ACTL8: variants seen among roughly 807,000 people sequenced by gnomAD.
The protein encoded by ACTL8 is actin-like protein 8.
In ACTL8, 3 loss-of-function variants were observed where a neutral mutation model predicts 9.3. The observed-to-expected ratio is 0.32, with a 90% CI of 0.15 to 0.83. The LOEUF is 0.83. Ranked by LOEUF, ACTL8 falls within the 40% of genes least tolerant of loss-of-function variation. The pLI is 0.57. For missense variants in ACTL8, 381 were observed against 492.2 expected (o/e 0.77, Z 2.14); for synonymous variants, 224 against 205.9 (o/e 1.09, Z -0.75).
chr1:17,817,516 C>G (rs1020797392), intron 1 of ACTL8, among the ~76,000 whole-genome samples: 62 of 152,136 alleles, frequency 4.1e-4, no homozygotes, highest in African/African-American at 1.5e-3. Flanking sequence ...TTTCTCTGCT[C>G]GGTCCCGGGA....
intron 1 of ACTL8, among the ~76,000 whole-genome samples, chr1:17,778,057 T>C (rs1333703808): frequency 6.6e-6 from 1 of 152,220 alleles, no homozygotes; most frequent in Non-Finnish European, 1.5e-5. Flanking sequence ...GTGACATTGC[T>C]GGATGGTGGC....
intron 1 of ACTL8, among the ~76,000 whole-genome samples, chr1:17,807,060 C>T (rs557493441): frequency 2.0e-5 from 3 of 152,202 alleles, no homozygotes; most frequent in South Asian, 2.1e-4. Context: ...GATCTGGCAG[C>T]GTTGCTGCAT....
chr1:17,785,575 A>G (rs1166133771), intron 1 of ACTL8, among the ~76,000 whole-genome samples: 2 of 152,206 alleles, frequency 1.3e-5, no homozygotes, highest in South Asian at 2.1e-4. Context: ...TCAGGGTCTT[A>G]GATTTCAACC....
chr1:17,784,206 A>G (rs260519), intron 1 of ACTL8, among the ~76,000 whole-genome samples: 63,748 of 151,972 alleles, frequency 0.42, 14,102 homozygotes, highest in East Asian at 0.78. Flanking sequence ...TCTTCTTAAC[A>G]TGGTGGAGTG....
chr1:17,808,195 A>C (rs2066371340), intron 1 of ACTL8, among the ~76,000 whole-genome samples: 1 of 152,182 alleles, frequency 6.6e-6, no homozygotes, highest in Non-Finnish European at 1.5e-5. Flanking sequence ...TTGATGAGCA[A>C]ACTCTGGAGA....
intron 1 of ACTL8, among the ~76,000 whole-genome samples, chr1:17,811,870 CTT>C (rs200104295): frequency 3.7e-4 from 51 of 139,426 alleles, no homozygotes; most frequent in Non-Finnish European, 3.1e-4. Flanking sequence ...GGTTTTCTGT[CTT>C]TTTTTTTTTT....
intron 1 of ACTL8, among the ~76,000 whole-genome samples, chr1:17,766,304 G>T (rs538961728): frequency 1.4e-4 from 21 of 152,174 alleles, no homozygotes; most frequent in Admixed American, 1.4e-3. Flanking sequence ...TAGCAGCCTC[G>T]TGAGGCTGGG....
rs765972298 is a variant in ACTL8 at position 17,776,969 on chromosome 1, ATTTTTTTTTTTTTTTTTTTTTTT to A, written c.-25+21479_-25+21501del. ...CATCCACCACCGTTCCTGGCTAATG[ATTTTTTTTTTTTTTTTTTTTTTT>A]TTTTTTTTTTTTTAGAGATGGGGGT... On this transcript the variant is annotated intron_variant, in intron 1 of 2. Coordinates refer to ENST00000375406, the MANE Select transcript of ACTL8 (RefSeq NM_030812.3). Among the ~76,000 whole-genome samples, 39 of 50,552 alleles carry A rather than the reference ATTTTTTTTTTTTTTTTTTTTTTT, an allele frequency of 7.7e-4. 2 individuals are homozygous for A. The South Asian group carries it at 0.037, about 48-fold the overall frequency. 33.2% of individuals were successfully genotyped at this position (50,552 alleles called of 152,430 possible).
chr1:17,795,650 C>T (rs1211969141), intron 1 of ACTL8, among the ~76,000 whole-genome samples: 4 of 152,166 alleles, frequency 2.6e-5, no homozygotes. Context: ...TGGCTCCAAT[C>T]AGGGAGGCAG....
intron 1 of ACTL8, among the ~76,000 whole-genome samples, chr1:17,760,309 T>C (rs148226591): frequency 1.7e-4 from 26 of 152,226 alleles, no homozygotes; most frequent in Middle Eastern, 3.4e-3. Context: ...GGAGGGGAGA[T>C]GCCAGTCTTC....
At chr1:17,820,396 A>C (rs2053646196) in intron 1 of ACTL8, among the ~76,000 whole-genome samples, 1 of 152,106 alleles carries the variant, frequency 6.6e-6, no homozygotes, top group African/African-American at 2.4e-5. Flanking sequence ...TTGTGTATTC[A>C]TTCCCTAGCT....
At chr1:17,777,757 G>GA (rs2066127502) in intron 1 of ACTL8, among the ~76,000 whole-genome samples, 1 of 152,214 alleles carries the variant, frequency 6.6e-6, no homozygotes, top group Admixed American at 6.5e-5. Flanking sequence ...GGAGTGCAGT[G>GA]GTGCAATCTC....
intron 1 of ACTL8, among the ~76,000 whole-genome samples, chr1:17,765,323 C>T (rs1038717750): frequency 6.6e-6 from 1 of 152,182 alleles, no homozygotes; most frequent in Non-Finnish European, 1.5e-5. Context: ...CTGTGGTGTC[C>T]TGGTGCCTAG....
rs748352763 is a variant in ACTL8 at position 17,826,489 on chromosome 1, A to C, written c.1071A>C (p.Arg357=). 1 of 1,599,730 alleles carries C rather than the reference A, an allele frequency of 6.3e-7. No homozygotes were observed. The highest frequency in any genetic ancestry group is 2.2e-5 in the East Asian group (1 of 44,666). The change falls in exon 3 of 3, where the codon CGA becomes CGC. Residue 357 remains arginine, a synonymous_variant. Transcript: ENST00000375406. The surrounding 1 kb of genome is among the most constrained non-coding windows in gnomAD (Gnocchi z 4.5). ...LSTYQSEWMS[R]EEYGEHMRM is the part of the protein sequence containing the mutation. ...CCTACCAGTCTGAGTGGATGTCCCG[A>C]GAGGAGTATGGTGAGCATATGAGGA...
chr1:17,826,224 G>A lies in ACTL8; in HGVS notation c.806G>A (p.Gly269Glu). The change falls in exon 3 of 3, where the codon GGG becomes GAG. Residue 269 changes from glycine to glutamate, a missense_variant. Physicochemically the swap from Gly to Glu is moderately conservative, Grantham distance 98. Transcript: ENST00000375406. The surrounding 1 kb of genome is among the most constrained non-coding windows in gnomAD (Gnocchi z 4.5). ...AGCCCGCAGGTGTTCGAGCAGCCGG[G>A]GCCCAGCATCCCACGGGCCATTGTG... ...FFSPQVFEQP[G>E]PSIPRAIVES... The A allele has an allele frequency of 6.2e-7, 1 of 1,613,430 alleles. No homozygotes were observed. Among genetic ancestry groups the A allele is most frequent in the Non-Finnish European group, 8.5e-7 (1 of 1,179,914 alleles).
In ACTL8 at chr1:17,826,469, C is replaced by A; in HGVS notation, c.1051C>A (p.Gln351Lys). ...CGTGGTGGCTCACCTTTCTACCTAC[C>A]AGTCTGAGTGGATGTCCCGAGAGGA... ...ASVVAHLSTY[Q>K]SEWMSREEYG... Residue 351 changes from glutamine to lysine, a missense_variant, in exon 3 of 3, where the codon CAG becomes AAG. By Grantham distance (53) the Gln-to-Lys change is moderately conservative. Around this residue, in one of 3 missense-constraint regions of ACTL8, gnomAD observed 243 missense variants for 276.2 expected, o/e 0.88. Transcript: ENST00000375406. The surrounding 1 kb of genome is among the most constrained non-coding windows in gnomAD (Gnocchi z 4.5). 6.2e-7 allele frequency: 1 copy of A among 1,609,532 alleles called. No homozygotes were observed. The highest frequency in any genetic ancestry group is 8.5e-7 in the Non-Finnish European group (1 of 1,177,344).
chr1:17,806,738 AG>A (rs1210101442), intron 1 of ACTL8, among the ~76,000 whole-genome samples: 1 of 152,206 alleles, frequency 6.6e-6, no homozygotes, highest in Non-Finnish European at 1.5e-5. Flanking sequence ...TTTTGCCTTT[AG>A]ATTCTTCTGC....
chr1:17,813,180 T>G (rs2066404420), intron 1 of ACTL8, among the ~76,000 whole-genome samples: 1 of 152,254 alleles, frequency 6.6e-6, no homozygotes, highest in Non-Finnish European at 1.5e-5. Flanking sequence ...AGTTCAATGT[T>G]GAATATGCGT....
chr1:17,765,465 T>C (rs77511665), intron 1 of ACTL8, among the ~76,000 whole-genome samples: 4,767 of 152,212 alleles, frequency 0.031, 116 homozygotes, highest in South Asian at 0.06. Context: ...AATAACCATA[T>C]GGAGTTGGTG....
Sources: gnomAD v4.1 joint callset for allele counts (sites outside exome capture counted in the v4.1 genomes callset) on GRCh38, gnomAD v4.1.1 for gene constraint, gnomAD v4.1.1 regional missense constraint, Gnocchi (gnomAD v3.1) non-coding constraint, MANE v1.5 for transcripts, NCBI Gene and HGNC (gene_info 2026-07-23, HGNC 2026-07-21) for gene names.